The following NFATC1 variants were observed in gnomAD, a reference collection of about 807,000 sequenced individuals.
The protein encoded by NFATC1 is nuclear factor of activated T cells 1.
NFATC1 carries 22 observed loss-of-function variants against 76.0 expected under a neutral mutation model. That is an observed-to-expected ratio of 0.29 (90% CI 0.21 to 0.41). The LOEUF is 0.41. Ranked by LOEUF, NFATC1 falls within the 10% of genes least tolerant of loss-of-function variation. The pLI is 1.00. For synonymous variants in NFATC1, 704 were observed against 613.1 expected (o/e 1.15, Z -2.19); for missense variants, 1,357 against 1,337.7 (o/e 1.01, Z -0.23).
intron 8 of NFATC1, among the ~76,000 whole-genome samples, chr18:79,476,055 C>T (rs1049915221): frequency 2.0e-5 from 3 of 151,974 alleles, no homozygotes; most frequent in East Asian, 1.9e-4. Flanking sequence ...GATGAGAGGG[C>T]GGGAAGGGGC....
Position 79,431,712 on chromosome 18 carries a change from G to GT in NFATC1, c.1227-1858dup, listed in dbSNP as rs1201040580. On this transcript the variant is annotated intron_variant, in intron 2 of 9. Coordinates refer to ENST00000427363, the MANE Select transcript of NFATC1 (RefSeq NM_001278669.2). ...GGCCTTGTTTTTGTTGTTGTTTGTT[G>GT]TTTTTTTTTAGATGGAGTCTCGCTC... Among the ~76,000 whole-genome samples, 47 of 151,302 alleles carry GT rather than the reference G, an allele frequency of 3.1e-4. No homozygotes were observed. In the East Asian group the frequency reaches 6.2e-3, roughly 20 times the overall value.
In NFATC1 at chr18:79,428,099, T is replaced by A. The variant is rs573579272; in HGVS notation, c.1227-5480T>A. On this transcript the variant is annotated intron_variant, in intron 2 of 9. Coordinates refer to ENST00000427363, the MANE Select transcript of NFATC1 (RefSeq NM_001278669.2). Reference sequence around the variant, plus strand: ...GGGGGGCCTGGACAGCTGGCCTCTGTGCGGTGGGTTGGGGGGGCCTGGACG... The same window carrying A: ...GGGGGGCCTGGACAGCTGGCCTCTGAGCGGTGGGTTGGGGGGGCCTGGACG... Among the ~76,000 whole-genome samples, 18 of 71,284 alleles carry A rather than the reference T, an allele frequency of 2.5e-4. No homozygotes were observed. In the East Asian group the frequency reaches 3.1e-3, roughly 12 times the overall value. The allele number at this position is 71,284 out of a possible 152,430, so 46.8% of individuals were successfully genotyped here.
Position 79,451,844 on chromosome 18 carries a change from G to A in NFATC1, c.1903+28G>A, listed in dbSNP as rs779521239. On this transcript the variant is annotated intron_variant, in intron 6 of 9. Transcript: ENST00000427363. ...ATGCTCTTCACCAGGGGCCATCTGC[G>A]GCCTGGGCTTCGGCGCTGGTGGGAA... 14 of 1,585,496 alleles carry A rather than the reference G, an allele frequency of 8.8e-6. No individual in the cohort carries two copies. The African/African-American group carries it at 9.4e-5, about 11-fold the overall frequency.
chr18:79,450,734 G>A (rs532339712), intron 4 of NFATC1, among the ~76,000 whole-genome samples: 2 of 152,308 alleles, frequency 1.3e-5, no homozygotes, highest in South Asian at 2.1e-4. Context: ...GCCTCTGCTT[G>A]CCCCCTCGCC....
chr18:79,409,398 A>G (rs1029743168), intron 1 of NFATC1, among the ~76,000 whole-genome samples: 1 of 149,942 alleles, frequency 6.7e-6, no homozygotes, highest in Admixed American at 6.6e-5. Context: ...TTATTCCTCC[A>G]TTCCTCGTCC....
At chr18:79,518,991 GA>G (rs991824923) in intron 9 of NFATC1, among the ~76,000 whole-genome samples, 16 of 152,208 alleles carry the variant, frequency 1.1e-4, no homozygotes, top group Non-Finnish European at 5.9e-5. Flanking sequence ...TCTTCCCACA[GA>G]TTAGCCCCCA....
intron 9 of NFATC1, among the ~76,000 whole-genome samples, chr18:79,494,250 C>G (rs113256885): frequency 2.2e-4 from 28 of 127,384 alleles, no homozygotes; most frequent in Non-Finnish European, 2.2e-4. Context: ...AAGGCGAGAG[C>G]GGGCACACGC....
chr18:79,443,502 C>A (rs989958639), intron 3 of NFATC1, among the ~76,000 whole-genome samples: 1 of 152,204 alleles, frequency 6.6e-6, no homozygotes, highest in Non-Finnish European at 1.5e-5. Context: ...GGCCTGGAGC[C>A]GTCCCTCGGG....
In NFATC1 at chr18:79,428,602, A is replaced by G. The variant is rs548545459; in HGVS notation, c.1227-4977A>G. On this transcript the variant is annotated intron_variant, in intron 2 of 9. Coordinates refer to ENST00000427363, the MANE Select transcript of NFATC1 (RefSeq NM_001278669.2). ...GAACAGCCCACAGCCCAGCAGTACA[A>G]TGAGGATGGTCCTTGTGATAAATGG... Among the ~76,000 whole-genome samples the G allele has an allele frequency of 9.8e-5, 15 of 152,380 alleles. 1 individual carries two copies. Among genetic ancestry groups the G allele is most frequent in the African/African-American group, 3.6e-4 (15 of 41,586 alleles).
intron 4 of NFATC1, among the ~76,000 whole-genome samples, 186 bp downstream of exon 4, chr18:79,449,170 G>T (rs572073235): frequency 6.6e-6 from 1 of 152,338 alleles, no homozygotes; most frequent in Admixed American, 6.5e-5. Context: ...TCTCTCTAGG[G>T]TTTCAGCCCT....
rs753335306 is a variant in NFATC1, at chr18:79,461,299, C to T, written c.1904-12C>T. ...CACAGAGTCACAGACGTTTCCTGCT[C>T]CTTTCTTCCAGATGGCCACCATGTC... On this transcript the variant is annotated splice_polypyrimidine_tract_variant and intron_variant, in intron 6 of 9. Coordinates refer to ENST00000427363, the MANE Select transcript of NFATC1 (RefSeq NM_001278669.2). 7 of 1,599,300 alleles carry T rather than the reference C, an allele frequency of 4.4e-6. No homozygotes were observed. The highest frequency in any genetic ancestry group is 6.0e-6 in the Non-Finnish European group (7 of 1,175,116).
chr18:79,427,543 A>AT (rs2086409174), intron 2 of NFATC1, among the ~76,000 whole-genome samples: 3 of 7,520 alleles, frequency 4.0e-4, no homozygotes, highest in African/African-American at 5.8e-4. Flanking sequence ...GGGTGGGGGG[A>AT]GCTGGACGGC....
chr18:79,516,753 C>T (rs1029759113), intron 9 of NFATC1, among the ~76,000 whole-genome samples: 12 of 152,236 alleles, frequency 7.9e-5, no homozygotes, highest in Non-Finnish European at 1.5e-5. Context: ...GGCGCACACA[C>T]CGAAGCCACC....
chr18:79,456,479 G>A (rs562038780), intron 6 of NFATC1, among the ~76,000 whole-genome samples: 84 of 152,326 alleles, frequency 5.5e-4, no homozygotes, highest in African/African-American at 1.5e-3. Context: ...TGCAGGCCCC[G>A]ATTTCCCCAG....
At chr18:79,479,769 T>C (rs2089208882) in intron 8 of NFATC1, among the ~76,000 whole-genome samples, 1 of 152,170 alleles carries the variant, frequency 6.6e-6, no homozygotes, top group African/African-American at 2.4e-5. Flanking sequence ...ATCCCTGCCG[T>C]CCACCGCCCT....
chr18:79,472,187 C>A (rs556058102), intron 8 of NFATC1, among the ~76,000 whole-genome samples: 1 of 152,208 alleles, frequency 6.6e-6, no homozygotes, highest in Non-Finnish European at 1.5e-5. Context: ...CTGAGGTCCC[C>A]GTGCACAGAT....
chr18:79,400,380 G>GC (rs781370439), intron 1 of NFATC1: 32 of 1,476,938 alleles, frequency 2.2e-5, no homozygotes, highest in Middle Eastern at 1.9e-4. Flanking sequence ...CCCGGCCCCG[G>GC]CCCGACCCGC....
intron 8 of NFATC1, among the ~76,000 whole-genome samples, chr18:79,478,980 ATGGACGCTGGGGCTGCCG>A (rs2145011285): frequency 6.6e-6 from 1 of 152,266 alleles, no homozygotes; most frequent in African/African-American, 2.4e-5. Flanking sequence ...GACAGTCCCC[ATGGACGCTGGGGCTGCCG>A]TGGACGATGG....
At chr18:79,398,549 G>A (rs550838059) in intron 1 of NFATC1, among the ~76,000 whole-genome samples, 2 of 152,154 alleles carry the variant, frequency 1.3e-5, no homozygotes, top group Admixed American at 6.5e-5. Flanking sequence ...GGGAAGGGGG[G>A]GCTCCTAGGA....
Sources: allele counts gnomAD v4.1 joint callset (sites outside exome capture counted in the v4.1 genomes callset), GRCh38; gene constraint gnomAD v4.1.1; transcripts MANE v1.5; gene names NCBI Gene and HGNC (gene_info 2026-07-23, HGNC 2026-07-21).